The following ZNF407 variants were observed in gnomAD, a reference collection of about 807,000 sequenced individuals.
ZNF407 encodes the protein zinc finger protein 407.
In ZNF407, 17 loss-of-function variants were observed where a neutral mutation model predicts 131.2. The ratio of observed to expected loss-of-function variants is 0.13; its 90% CI spans 0.09 to 0.19. The LOEUF (loss-of-function observed/expected upper bound fraction) is 0.19. Ranked by LOEUF, ZNF407 falls within the 10% of genes least tolerant of loss-of-function variation. The pLI, the probability that ZNF407 is intolerant of heterozygous loss-of-function variation, is 1.00. For synonymous variants in ZNF407, 1,156 were observed against 1,062.0 expected, an observed-to-expected ratio of 1.09 and a Z score of -1.72; for missense variants, 2,681 against 2,830.6, an observed-to-expected ratio of 0.95 and a Z score of 1.20.
At chr18:74,747,960 G>A (rs1004712112) in intron 3 of ZNF407, among the ~76,000 whole-genome samples, 1 of 152,040 alleles carries the variant, frequency 6.6e-6, no homozygotes, top group African/African-American at 2.4e-5. Context: ...TGAAGAATTT[G>A]TCAAGAATTA....
intron 8 of ZNF407, among the ~76,000 whole-genome samples, chr18:75,050,521 G>C (rs1310632582): frequency 6.6e-6 from 1 of 152,142 alleles, no homozygotes; most frequent in Non-Finnish European, 1.5e-5. Flanking sequence ...CCAGTTTCCT[G>C]AGTCCAAACT....
intron 3 of ZNF407, among the ~76,000 whole-genome samples, chr18:74,765,596 A>G (rs922544336): frequency 9.9e-5 from 15 of 151,966 alleles, no homozygotes; most frequent in Non-Finnish European, 1.9e-4. Context: ...CCCAAACACT[A>G]TTTTTTTCTT....
chr18:74,890,177 A>AGT (rs1971364961), intron 7 of ZNF407, 139 bp downstream of exon 7: 2 of 1,033,420 alleles, frequency 1.9e-6, no homozygotes, highest in African/African-American at 1.7e-5. Context: ...ACCTAATTTT[A>AGT]GTGACTTTTA....
chr18:74,992,939 C>T (rs531361471), intron 8 of ZNF407, among the ~76,000 whole-genome samples: 4 of 152,078 alleles, frequency 2.6e-5, no homozygotes, highest in Admixed American at 6.5e-5. Flanking sequence ...CACTGCACAC[C>T]CACTAAGATG....
chr18:74,780,636 C>G (rs1969580530), intron 3 of ZNF407, among the ~76,000 whole-genome samples: 1 of 152,176 alleles, frequency 6.6e-6, no homozygotes, highest in South Asian at 2.1e-4. Context: ...CTGAAAGTTA[C>G]AGCAGTAAAT....
intron 8 of ZNF407, among the ~76,000 whole-genome samples, chr18:74,969,346 A>G (rs1972445467): frequency 6.6e-6 from 1 of 151,910 alleles, no homozygotes; most frequent in Non-Finnish European, 1.5e-5. Context: ...TATCCAGGAC[A>G]TTTTGTCTAT....
chr18:74,753,339 AT>A (rs1430637933), intron 3 of ZNF407, among the ~76,000 whole-genome samples: 1 of 152,202 alleles, frequency 6.6e-6, no homozygotes, highest in African/African-American at 2.4e-5. Context: ...TCCTAATTGA[AT>A]ATCCTTTATT....
At chr18:74,747,239 AT>A (rs1309262896) in intron 3 of ZNF407, among the ~76,000 whole-genome samples, 1 of 152,114 alleles carries the variant, frequency 6.6e-6, no homozygotes, top group Non-Finnish European at 1.5e-5. Flanking sequence ...ACAATTAAGT[AT>A]TTACCTGCTT....
intron 5 of ZNF407, 107 bp downstream of exon 5, chr18:74,877,470 T>C: frequency 9.6e-7 from 1 of 1,044,964 alleles, no homozygotes; most frequent in Non-Finnish European, 1.4e-6. Context: ...TCAATGGAAA[T>C]GATGTCCTGC....
intron 4 of ZNF407, among the ~76,000 whole-genome samples, chr18:74,846,760 G>A (rs968601771): frequency 4.0e-5 from 6 of 151,784 alleles, no homozygotes; most frequent in East Asian, 2.0e-4. Context: ...TTGGGAGGCC[G>A]AGGCTGGCGG....
At chr18:74,876,371 CAT>C (rs1971156236) in intron 4 of ZNF407, among the ~76,000 whole-genome samples, 2 of 152,092 alleles carry the variant, frequency 1.3e-5, no homozygotes, top group South Asian at 2.1e-4. Flanking sequence ...GTTTTAAACT[CAT>C]ATTGGAAATG....
At chr18:74,709,951 T>C (rs982298965) in intron 3 of ZNF407, among the ~76,000 whole-genome samples, 2 of 152,348 alleles carry the variant, frequency 1.3e-5, no homozygotes, top group Admixed American at 6.5e-5. Context: ...CATATTTCAT[T>C]AATGTGAATT....
chr18:75,060,501 TTTTTTC>T lies in ZNF407; in HGVS notation c.5429-2643_5429-2638del, dbSNP rs1471717489. On this transcript the variant is annotated intron_variant, in intron 8 of 8. Transcript: ENST00000299687. ...CCTGCAGCTCTTTTCTTTTTTTTCT[TTTTTTC>T]TTTTTTTTTTTTTTTTGCGACGGAG... Among the ~76,000 whole-genome samples, 6 of 58,856 alleles carry T rather than the reference TTTTTTC, an allele frequency of 1.0e-4. No homozygotes were observed. In the East Asian group the frequency reaches 3.5e-3, roughly 35 times the overall value. The allele number at this position is 58,856 out of a possible 152,430, so 38.6% of individuals were successfully genotyped here.
intron 3 of ZNF407, among the ~76,000 whole-genome samples, chr18:74,766,171 G>A (rs973956861): frequency 6.6e-6 from 1 of 152,060 alleles, no homozygotes; most frequent in African/African-American, 2.4e-5. Context: ...GTAAGGCGTT[G>A]TCATCACATC....
At chr18:74,683,837 A>G (rs922151219) in intron 3 of ZNF407, among the ~76,000 whole-genome samples, 1 of 152,244 alleles carries the variant, frequency 6.6e-6, no homozygotes, top group African/African-American at 2.4e-5. Flanking sequence ...AGCTATAATT[A>G]CTTGTAATTA....
At chr18:74,899,233 G>C (rs1055080656) in intron 7 of ZNF407, among the ~76,000 whole-genome samples, 1 of 152,184 alleles carries the variant, frequency 6.6e-6, no homozygotes, top group Non-Finnish European at 1.5e-5. Context: ...GAGTCAGAGA[G>C]GGATCCAACA....
intron 1 of ZNF407, among the ~76,000 whole-genome samples, chr18:74,601,937 A>G (rs1488165170): frequency 1.3e-5 from 2 of 152,262 alleles, no homozygotes; most frequent in African/African-American, 4.8e-5. Context: ...ATGTCCCTAT[A>G]CAATATATGC....
intron 3 of ZNF407, among the ~76,000 whole-genome samples, chr18:74,651,231 A>G (rs1985213746): frequency 6.6e-6 from 1 of 152,182 alleles, no homozygotes; most frequent in Admixed American, 6.6e-5. Flanking sequence ...ATGAAGAGCG[A>G]TGGAATTTAT....
chr18:74,789,461 G>A (rs991346870), intron 4 of ZNF407, among the ~76,000 whole-genome samples: 26 of 152,176 alleles, frequency 1.7e-4, no homozygotes, highest in African/African-American at 5.3e-4. Flanking sequence ...ATTGGCGGAA[G>A]GGCATGTAGT....
Sources: gnomAD v4.1 joint callset for allele counts (sites outside exome capture counted in the v4.1 genomes callset) on GRCh38, gnomAD v4.1.1 for gene constraint, MANE v1.5 for transcripts, NCBI Gene and HGNC (gene_info 2026-07-23, HGNC 2026-07-21) for gene names.